Variants in FAAH2 observed in about 807,000 individuals in gnomAD.
FAAH2 encodes fatty-acid amide hydrolase 2.
FAAH2 carries 60 observed loss-of-function variants against 36.9 expected under a neutral mutation model. The observed-to-expected ratio is 1.63, with a 90% CI of 1.32 to 2.02. The LOEUF (loss-of-function observed/expected upper bound fraction) is 2.02, where lower values mean the gene tolerates loss of function less well. Ranked by LOEUF, FAAH2 falls within the 30% of genes most tolerant of loss-of-function variation. The pLI, the probability that FAAH2 is intolerant of heterozygous loss-of-function variation, is 0.00. For synonymous variants in FAAH2, 214 were observed against 143.8 expected (o/e 1.49, Z -3.49); for missense variants, 689 against 397.5 (o/e 1.73, Z -6.23).
At chrX:57,408,813 T>C (rs1032067582) in intron 7 of FAAH2, among the ~76,000 whole-genome samples, 2 of 111,699 alleles carry the variant, frequency 1.8e-5, no homozygotes, top group African/African-American at 6.5e-5. Flanking sequence ...TCTTTACATG[T>C]AATGAAATGA....
chrX:57,404,188 G>T (rs886785746), intron 7 of FAAH2, among the ~76,000 whole-genome samples: 1 of 112,206 alleles, frequency 8.9e-6, no homozygotes, highest in Non-Finnish European at 1.9e-5. Context: ...CAACAAAGTG[G>T]TATTGGAGTG....
the FAAH2 span, among the ~76,000 whole-genome samples, chrX:57,199,389 G>T: frequency 9.0e-6 from 1 of 110,963 alleles, no homozygotes; most frequent in Non-Finnish European, 1.9e-5. Flanking sequence ...TATTTGTACA[G>T]TATCCCAAAT....
At chrX:57,301,489 C>T (rs768899163) in intron 2 of FAAH2, among the ~76,000 whole-genome samples, 6 of 105,333 alleles carry the variant, frequency 5.7e-5, no homozygotes, top group South Asian at 4.6e-4. Flanking sequence ...GGATGGATAG[C>T]ATTAGGAGAT....
chrX:57,383,944 C>T (rs1410760133), intron 7 of FAAH2, among the ~76,000 whole-genome samples: 3 of 111,709 alleles, frequency 2.7e-5, no homozygotes, highest in African/African-American at 9.8e-5. Context: ...CTACAGTAAC[C>T]AAAACAGCAT....
the FAAH2 span, among the ~76,000 whole-genome samples, chrX:57,148,186 C>T: frequency 9.0e-6 from 1 of 111,153 alleles, no homozygotes; most frequent in Non-Finnish European, 1.9e-5. Context: ...AGTTTGAAGT[C>T]AGGTAGCATG....
Position 57,378,703 on chromosome X carries a change from G to C in FAAH2, c.795G>C (p.Leu265Phe). 8.3e-7 allele frequency: 1 copy of C among 1,211,185 alleles called. No individual in the cohort carries two copies. Among genetic ancestry groups the C allele is most frequent in the Non-Finnish European group, 1.1e-6 (1 of 895,174 alleles). The change falls in exon 6 of 11, where the codon TTG (leucine) becomes TTC (phenylalanine). Residue 265 changes from leucine to phenylalanine, a missense_variant. Leu to Phe is a conservative substitution (Grantham distance 22). Transcript: ENST00000374900. The stretch of plus-strand genomic sequence containing the variant: ...CCTTGGCTGTGGGAGCCCAGGAGTT[G>C]TTTCTGTGCACTGGTCCTATGTGCC... ...QFPLAVGAQELFLCTGPMCRY... is the reference protein window; with the variant it reads ...QFPLAVGAQEFFLCTGPMCRY...
At chrX:57,350,488 T>C (rs1198023239) in intron 5 of FAAH2, among the ~76,000 whole-genome samples, 1 of 110,498 alleles carries the variant, frequency 9.0e-6, no homozygotes, top group South Asian at 3.7e-4. Flanking sequence ...GTTGACAATA[T>C]GGCAGGAAGA....
chrX:57,296,881 A>G (rs1193784254), intron 2 of FAAH2, among the ~76,000 whole-genome samples: 1 of 111,430 alleles, frequency 9.0e-6, no homozygotes, highest in African/African-American at 3.3e-5. Context: ...GAATGAAATG[A>G]AGCGAGAAGA....
chrX:57,306,039 G>A (rs182264581), intron 2 of FAAH2, among the ~76,000 whole-genome samples: 96 of 112,104 alleles, frequency 8.6e-4, no homozygotes, highest in African/African-American at 2.7e-3. Flanking sequence ...CTTTACTGAG[G>A]TTCCAAGTTT....
At chrX:57,216,891 C>A in the FAAH2 span, among the ~76,000 whole-genome samples, 1 of 108,070 alleles carries the variant, frequency 9.3e-6, no homozygotes, top group African/African-American at 3.3e-5. Flanking sequence ...TTTCCACTAG[C>A]AATGTAGAAG....
the FAAH2 span, among the ~76,000 whole-genome samples, chrX:57,240,061 G>A: frequency 8.9e-6 from 1 of 112,242 alleles, no homozygotes; most frequent in South Asian, 3.7e-4. Flanking sequence ...AAAAACCATT[G>A]CTAGGGAGCT....
chrX:57,445,098 C>T (rs983234870), intron 8 of FAAH2, among the ~76,000 whole-genome samples: 2 of 111,343 alleles, frequency 1.8e-5, no homozygotes, highest in African/African-American at 6.5e-5. Flanking sequence ...CAATATTCAC[C>T]GTCTGTGCTT....
chrX:57,192,571 A>T, the FAAH2 span, among the ~76,000 whole-genome samples: 11 of 111,177 alleles, frequency 9.9e-5, no homozygotes, highest in African/African-American at 3.6e-4. Flanking sequence ...ATTCTGGATG[A>T]TACTTGCTAT....
At chrX:57,482,709 A>ATTTTTTTTTT (rs368783162) in intron 10 of FAAH2, among the ~76,000 whole-genome samples, 20 of 63,831 alleles carry the variant, frequency 3.1e-4, no homozygotes, top group Middle Eastern at 9.6e-3. Context: ...CATTCCCTCA[A>ATTTTTTTTTT]TTTTTTTTTT....
intron 5 of FAAH2, among the ~76,000 whole-genome samples, chrX:57,353,487 T>TAAAAAAAAAA (rs3035714): frequency 1.2e-5 from 1 of 83,833 alleles, no homozygotes; most frequent in East Asian, 3.6e-4. Context: ...CCCAAATTAT[T>TAAAAAAAAAA]AAAAAAAAAA....
At chrX:57,374,613 G>A (rs1361765048) in intron 5 of FAAH2, among the ~76,000 whole-genome samples, 1 of 111,444 alleles carries the variant, frequency 9.0e-6, no homozygotes, top group Non-Finnish European at 1.9e-5. Context: ...TTTTGCAGGA[G>A]TTTTTAGGGT....
intron 5 of FAAH2, among the ~76,000 whole-genome samples, chrX:57,371,748 ACC>A (rs1255373903): frequency 9.0e-6 from 1 of 110,830 alleles, no homozygotes; most frequent in African/African-American, 3.3e-5. Flanking sequence ...TGAACCTGTT[ACC>A]CAGGTAGTGA....
chrX:57,318,257 A>T (rs1019078381), intron 3 of FAAH2, among the ~76,000 whole-genome samples: 1 of 111,664 alleles, frequency 9.0e-6, no homozygotes, highest in African/African-American at 3.2e-5. Flanking sequence ...TAACAAATAG[A>T]TATACTGCTA....
chrX:57,251,478 C>A, the FAAH2 span, among the ~76,000 whole-genome samples: 1 of 111,393 alleles, frequency 9.0e-6, no homozygotes, highest in Non-Finnish European at 1.9e-5. Flanking sequence ...TTCAATTCAA[C>A]GCAGTACTAA....
Sources: allele counts gnomAD v4.1 joint callset (sites outside exome capture counted in the v4.1 genomes callset), GRCh38; gene constraint gnomAD v4.1.1; transcripts MANE v1.5; gene names NCBI Gene and HGNC (gene_info 2026-07-23, HGNC 2026-07-21).